The following PTK7 variants were observed in gnomAD, a reference collection of about 807,000 sequenced individuals.
PTK7 encodes the protein inactive tyrosine-protein kinase 7.
Under a neutral mutation model 116.6 loss-of-function variants are expected in PTK7, and 39 were observed. That is an observed-to-expected ratio of 0.33 (90% CI 0.26 to 0.44). The LOEUF (loss-of-function observed/expected upper bound fraction) is 0.44, where lower values mean the gene tolerates loss of function less well. Among genes scored for constraint, PTK7 ranks in the 20% least tolerant of loss-of-function variants. The probability of loss-of-function intolerance (pLI) is 1.00; values close to 1 mark genes in which losing one functional copy is unlikely to be tolerated. For missense variants in PTK7, 1,169 were observed against 1,425.6 expected (o/e 0.82, Z 2.90); for synonymous variants, 546 against 563.6 (o/e 0.97, Z 0.44).
intron 1 of PTK7, among the ~76,000 whole-genome samples, chr6:43,124,231 A>G (rs1255497318): frequency 6.6e-6 from 1 of 152,188 alleles, no homozygotes; most frequent in Non-Finnish European, 1.5e-5. Flanking sequence ...TACCACCTCA[A>G]TCCCGAACCG....
chr6:43,101,175 A>G (rs2150390196), intron 1 of PTK7, among the ~76,000 whole-genome samples: 1 of 150,740 alleles, frequency 6.6e-6, no homozygotes, highest in Middle Eastern at 3.4e-3. Flanking sequence ...AGATCGCACC[A>G]TTGCACTCCA....
chr6:43,148,356 G>A (rs767166004), intron 17 of PTK7, among the ~76,000 whole-genome samples: 3 of 152,192 alleles, frequency 2.0e-5, no homozygotes, highest in Non-Finnish European at 4.4e-5. Context: ...TTACAGACTT[G>A]AGGTAAAACA....
At chr6:43,100,530 T>G (rs1429660382) in intron 1 of PTK7, among the ~76,000 whole-genome samples, 2 of 123,908 alleles carry the variant, frequency 1.6e-5, no homozygotes, top group Non-Finnish European at 1.7e-5. Context: ...CTGTTTTGAT[T>G]TTATATGCAT....
rs369672537 is a variant in PTK7 at position 43,138,104 on chromosome 6, T to C, written c.1229-745T>C. On this transcript the variant is annotated intron_variant, in intron 7 of 19. Transcript: ENST00000230419. The stretch of plus-strand genomic sequence containing the variant: ...GATTACAGGCGTGAGCCACTGTGCC[T>C]GGCCACCATTACTTCTTTGAACATC... Among the ~76,000 whole-genome samples, 5 of 152,208 alleles carry C rather than the reference T, an allele frequency of 3.3e-5. No homozygotes were observed. The South Asian group carries it at 1.0e-3, about 32-fold the overall frequency.
At chr6:43,106,650 CTTTTTTTTTTTTT>C (rs11312929) in intron 1 of PTK7, among the ~76,000 whole-genome samples, 3 of 98,586 alleles carry the variant, frequency 3.0e-5, no homozygotes, top group African/African-American at 4.2e-5. Flanking sequence ...TCCTCCCTGC[CTTTTTTTTTTTTT>C]TTTTTTTTGA....
rs774556125 is a variant in PTK7 at position 43,139,688 on chromosome 6, C to T, written c.1618+163C>T. On this transcript the variant is annotated intron_variant, in intron 10 of 19. Coordinates refer to ENST00000230419, the MANE Select transcript of PTK7 (RefSeq NM_002821.5). This position sits in a 1 kb window ranked among gnomAD's most constrained non-coding sequence, Gnocchi z 4.6. ...TAGTTAGGAAGGAAAAAGCCAGACA[C>T]AGAAGAGGTCAGATTATAGCCTTGG... Among the ~76,000 whole-genome samples the T allele has an allele frequency of 1.6e-4, 25 of 152,358 alleles. No individual in the cohort carries two copies. The highest frequency in any genetic ancestry group is 3.1e-4 in the Non-Finnish European group (21 of 68,040).
intron 1 of PTK7, among the ~76,000 whole-genome samples, chr6:43,124,907 T>G (rs558260480): frequency 6.6e-6 from 1 of 151,924 alleles, no homozygotes; most frequent in East Asian, 2.0e-4. Flanking sequence ...GCGGGGTGGC[T>G]CACGCCTGTA....
At position 43,139,460 on chromosome 6, in the gene PTK7, A is replaced by G. The variant is rs1386643509; in HGVS notation, c.1553A>G (p.Lys518Arg). 1 of 1,614,230 alleles carries G rather than the reference A, an allele frequency of 6.2e-7. No homozygotes were observed. The highest frequency in any genetic ancestry group is 8.5e-7 in the Non-Finnish European group (1 of 1,180,030). The change falls in exon 10 of 20, where the codon AAG becomes AGG. Residue 518 changes from lysine to arginine, a missense_variant. By Grantham distance (26) the Lys-to-Arg change is conservative. Transcript: ENST00000230419. This position sits in a 1 kb window ranked among gnomAD's most constrained non-coding sequence, Gnocchi z 4.6. ...CCACAGCAGTGCATGGAGTTTGACA[A>G]GGAGGCCACGGTGCCCTGTTCAGCC... ...PQPQQCMEFDKEATVPCSATG... is the reference protein window; with the variant it reads ...PQPQQCMEFDREATVPCSATG...
chr6:43,129,130 G>T lies in PTK7; in HGVS notation c.233G>T (p.Arg78Leu), dbSNP rs975242469. 2 of 1,614,208 alleles carry T rather than the reference G, an allele frequency of 1.2e-6. No individual in the cohort carries two copies. Among genetic ancestry groups the T allele is most frequent in the Non-Finnish European group, 1.7e-6 (2 of 1,180,040 alleles). ...GCCCCTGTCCAGGACACGGAGCGGC[G>T]TTTCGCCCAGGGCAGCAGCCTGAGC... ...DGAPVQDTER[R>L]FAQGSSLSFA... Residue 78 changes from arginine to leucine, a missense_variant, in exon 2 of 20, where the codon CGT (arginine) becomes CTT (leucine). By Grantham distance (102) the Arg-to-Leu change is moderately radical. This residue lies in a region of PTK7 where 487 missense variants were observed against 549.8 expected (regional missense o/e 0.89). Coordinates refer to ENST00000230419, the MANE Select transcript of PTK7 (RefSeq NM_002821.5). This position sits in a 1 kb window ranked among gnomAD's most constrained non-coding sequence, Gnocchi z 4.5.
At position 43,097,595 on chromosome 6, in the gene PTK7, C is replaced by T. The variant is rs979539991; in HGVS notation, c.79+21028C>T. On this transcript the variant is annotated intron_variant, in intron 1 of 19. Coordinates refer to ENST00000230419, the MANE Select transcript of PTK7 (RefSeq NM_002821.5). Reference sequence around the variant, plus strand: ...CTGCAGTGGGCCTGTGAAATTTGCACAGGATAATCTATAAATATTGGTAAA... The same window carrying T: ...CTGCAGTGGGCCTGTGAAATTTGCATAGGATAATCTATAAATATTGGTAAA... Among the ~76,000 whole-genome samples the T allele has an allele frequency of 6.2e-4, 95 of 152,276 alleles. 1 individual carries two copies. The highest frequency in any genetic ancestry group is 2.2e-3 in the African/African-American group (92 of 41,568).
chr6:43,125,304 G>C (rs976810843), intron 1 of PTK7, among the ~76,000 whole-genome samples: 1 of 152,242 alleles, frequency 6.6e-6, no homozygotes, highest in East Asian at 1.9e-4. Flanking sequence ...AGGCCCAGTC[G>C]TTGGGGCACA....
intron 7 of PTK7, 149 bp downstream of exon 7, chr6:43,132,836 G>A (rs1189877640): frequency 4.5e-6 from 5 of 1,116,950 alleles, no homozygotes; most frequent in South Asian, 2.7e-5. Context: ...GGGAGTCGGT[G>A]TAGACAGTAG....
chr6:43,159,048 G>A, intron 18 of PTK7, 80 bp downstream of exon 18: 3 of 1,554,344 alleles, frequency 1.9e-6, no homozygotes, highest in Non-Finnish European at 1.8e-6. Context: ...TTTGGGGGGT[G>A]TGGGAAAGGG....
intron 1 of PTK7, among the ~76,000 whole-genome samples, chr6:43,109,256 A>C (rs1768060958): frequency 6.6e-6 from 1 of 152,050 alleles, no homozygotes; most frequent in Non-Finnish European, 1.5e-5. Flanking sequence ...GTCCAAGCTG[A>C]ACTTGAACTC....
intron 17 of PTK7, among the ~76,000 whole-genome samples, chr6:43,155,155 A>G (rs892547357): frequency 2.6e-5 from 4 of 151,628 alleles, no homozygotes; most frequent in Non-Finnish European, 4.4e-5. Flanking sequence ...TATTCCACCA[A>G]CATCCACTGT....
At chr6:43,137,807 A>AT (rs1770129193) in intron 7 of PTK7, among the ~76,000 whole-genome samples, 1 of 151,982 alleles carries the variant, frequency 6.6e-6, no homozygotes. Context: ...TGTTATTATT[A>AT]TTTTTTATCT....
intron 1 of PTK7, among the ~76,000 whole-genome samples, chr6:43,091,913 A>G (rs974169200): frequency 6.6e-6 from 1 of 152,004 alleles, no homozygotes; most frequent in Non-Finnish European, 1.5e-5. Flanking sequence ...CCTAGGCTGG[A>G]GTGCAGTGGC....
Position 43,151,334 on chromosome 6 carries a change from C to G in PTK7, c.2721+4636C>G, listed in dbSNP as rs1582212659. Among the ~76,000 whole-genome samples, 5 of 151,178 alleles carry G rather than the reference C, an allele frequency of 3.3e-5. No individual in the cohort carries two copies. In the South Asian group the frequency reaches 1.0e-3, roughly 32 times the overall value. On this transcript the variant is annotated intron_variant, in intron 17 of 19. Coordinates refer to ENST00000230419, the MANE Select transcript of PTK7 (RefSeq NM_002821.5). ...TCACGCCATTCTCCTGCCTCAGCCT[C>G]CCGAGTAGCTGGGACCACAGGCGCC...
At chr6:43,123,530 A>T (rs1404978838) in intron 1 of PTK7, among the ~76,000 whole-genome samples, 1 of 140,904 alleles carries the variant, frequency 7.1e-6, no homozygotes, top group Non-Finnish European at 1.5e-5. Context: ...ACGCACACAT[A>T]TGCACACATG....
Sources: gnomAD v4.1 joint callset for allele counts (sites outside exome capture counted in the v4.1 genomes callset) on GRCh38, gnomAD v4.1.1 for gene constraint, gnomAD v4.1.1 regional missense constraint, Gnocchi (gnomAD v3.1) non-coding constraint, MANE v1.5 for transcripts, NCBI Gene and HGNC (gene_info 2026-07-23, HGNC 2026-07-21) for gene names.